Variants in EED observed in about 807,000 individuals in gnomAD.
EED encodes polycomb protein EED.
A neutral mutation model predicts 61.0 loss-of-function variants in EED; 9 were observed. The observed-to-expected ratio is 0.15, with a 90% confidence interval of 0.09 to 0.26. The LOEUF is 0.26. Among genes scored for constraint, EED ranks in the 10% least tolerant of loss-of-function variants. EED has a pLI of 1.00. For missense variants in EED, 315 were observed against 542.3 expected (o/e 0.58, Z 4.16); for synonymous variants, 187 against 174.4 (o/e 1.07, Z -0.57).
At chr11:86,246,263 G>A (rs969748458) in intron 1 of EED, among the ~76,000 whole-genome samples, 4 of 152,230 alleles carry the variant, frequency 2.6e-5, no homozygotes, top group Non-Finnish European at 4.4e-5. Context: ...GGTCAACGAA[G>A]TATCTTGACA....
Position 86,264,231 on chromosome 11 carries a change from G to A in EED, c.694G>A (p.Val232Ile), listed in dbSNP as rs759722952. 3.1e-6 allele frequency: 5 copies of A among 1,613,974 alleles called. No homozygotes were observed. The highest frequency in any genetic ancestry group is 1.3e-5 in the African/African-American group (1 of 75,012). Residue 232 changes from valine (V) to isoleucine (I), a missense_variant, in exon 7 of 12, where the codon GTA (valine) becomes ATA (isoleucine). Val to Ile is a conservative substitution (Grantham distance 29). Transcript: ENST00000263360. ...TDTLVAIFGG[V>I]EGHRDEVLSA... ...CACTCTGGTGGCAATATTTGGAGGC[G>A]TAGAAGGGCACAGAGATGAAGTTCT...
Position 86,245,078 on chromosome 11 carries a change from G to A in EED, c.-152G>A, listed in dbSNP as rs1402670100. 1 of 580,686 alleles carries A rather than the reference G, an allele frequency of 1.7e-6. No individual in the cohort carries two copies. The highest frequency in any genetic ancestry group is 4.0e-5 in the Admixed American group (1 of 24,694). 36.0% of individuals were successfully genotyped at this position (580,686 alleles called of 1,614,324 possible). On this transcript the variant is annotated 5_prime_UTR_variant, in exon 1 of 12. Coordinates refer to ENST00000263360, the MANE Select transcript of EED (RefSeq NM_003797.5). ...GCGGGGTCGCACGCACGCCCGCCTCGGCGGCTGGGCGCGATTTGCGACAGT... is the reference window on the plus strand; with the variant it reads ...GCGGGGTCGCACGCACGCCCGCCTCAGCGGCTGGGCGCGATTTGCGACAGT...
At chr11:86,254,911 G>A (rs528548858) in intron 3 of EED, among the ~76,000 whole-genome samples, 5 of 152,332 alleles carry the variant, frequency 3.3e-5, no homozygotes, top group East Asian at 3.9e-4. Context: ...GTGAGCCACC[G>A]TGCCCGGCCT....
At chr11:86,285,673 C>T in the EED span, among the ~76,000 whole-genome samples, 1 of 152,120 alleles carries the variant, frequency 6.6e-6, no homozygotes, top group Non-Finnish European at 1.5e-5. Flanking sequence ...TTTCAGCTCA[C>T]TGCAACTTCC....
chr11:86,264,547 T>G (rs972246822), intron 7 of EED: 2 of 267,784 alleles, frequency 7.5e-6, no homozygotes, highest in Admixed American at 5.2e-5. Flanking sequence ...ATCACTAAGT[T>G]AATGTTTGTT....
chr11:86,256,540 C>G, intron 5 of EED, 28 bp downstream of exon 5: 2 of 1,532,362 alleles, frequency 1.3e-6, no homozygotes, highest in Non-Finnish European at 1.8e-6. Context: ...AATTGTAGAT[C>G]TGCTTCTTTT....
intron 8 of EED, among the ~76,000 whole-genome samples, chr11:86,267,651 A>C (rs888223276): frequency 6.6e-6 from 1 of 151,792 alleles, no homozygotes; most frequent in African/African-American, 2.4e-5. Context: ...CCCAGGCTGG[A>C]GTGCAGTGGT....
chr11:86,252,714 T>C (rs1398247490), intron 3 of EED, among the ~76,000 whole-genome samples: 1 of 152,146 alleles, frequency 6.6e-6, no homozygotes, highest in Non-Finnish European at 1.5e-5. Context: ...CTGGGTTTTT[T>C]TGTTTTGAGA....
intron 9 of EED, among the ~76,000 whole-genome samples, chr11:86,269,073 T>C (rs1946051149): frequency 6.6e-6 from 1 of 152,192 alleles, no homozygotes. Flanking sequence ...TTAATACACA[T>C]AACCTACTGA....
intron 6 of EED, among the ~76,000 whole-genome samples, chr11:86,258,857 CTATT>C (rs571173237): frequency 6.0e-5 from 9 of 149,226 alleles, no homozygotes; most frequent in South Asian, 2.2e-4. Flanking sequence ...CGTCCTGCCT[CTATT>C]TATTTATTTA....
At position 86,259,862 on chromosome 11, in the gene EED, G is replaced by A. The variant is rs537303746; in HGVS notation, c.634+2266G>A. ...CGTTAGATACTAACAAGTATTGACTGGCACAAGAAGAAATCAGAGCCCTCT... is the reference window on the plus strand; with the variant it reads ...CGTTAGATACTAACAAGTATTGACTAGCACAAGAAGAAATCAGAGCCCTCT... On this transcript the variant is annotated intron_variant, in intron 6 of 11. Coordinates refer to ENST00000263360, the MANE Select transcript of EED (RefSeq NM_003797.5). Among the ~76,000 whole-genome samples, 48 of 152,344 alleles carry A rather than the reference G, an allele frequency of 3.2e-4. No homozygotes were observed. In the South Asian group the frequency reaches 8.7e-3, roughly 28 times the overall value.
chr11:86,287,250 A>G, the EED span, among the ~76,000 whole-genome samples: 1 of 152,180 alleles, frequency 6.6e-6, no homozygotes, highest in African/African-American at 2.4e-5. Flanking sequence ...CCACATTGTG[A>G]GAAATACAAC....
chr11:86,245,626 G>C (rs1233101236), intron 1 of EED, among the ~76,000 whole-genome samples: 5 of 151,908 alleles, frequency 3.3e-5, no homozygotes, highest in Non-Finnish European at 7.4e-5. Flanking sequence ...TTGGCCTTTG[G>C]GGGGATTTAA....
intron 2 of EED, among the ~76,000 whole-genome samples, chr11:86,251,113 C>G (rs1593722495): frequency 6.6e-6 from 1 of 151,900 alleles, no homozygotes; most frequent in East Asian, 1.9e-4. Flanking sequence ...TGTGTATTAT[C>G]TCATACATAT....
chr11:86,246,457 A>G (rs1181402624), intron 1 of EED, among the ~76,000 whole-genome samples: 3 of 152,240 alleles, frequency 2.0e-5, no homozygotes, highest in South Asian at 2.1e-4. Flanking sequence ...AAATTCTGTC[A>G]TAATTCCTAG....
chr11:86,283,998 G>A, the EED span: 1 of 152,172 alleles, frequency 6.6e-6, no homozygotes, highest in Non-Finnish European at 1.5e-5. Flanking sequence ...CCTTACCATC[G>A]TGTCTCCCAC....
chr11:86,275,819 C>T (rs532226923), intron 9 of EED, among the ~76,000 whole-genome samples: 2 of 152,164 alleles, frequency 1.3e-5, no homozygotes, highest in African/African-American at 4.8e-5. Flanking sequence ...TTTCTAAGGT[C>T]CTTTACAGTT....
At chr11:86,250,181 T>C (rs1945494538) in intron 1 of EED, 115 bp from the exon 2 acceptor site, 2 of 974,400 alleles carry the variant, frequency 2.1e-6, no homozygotes, top group Non-Finnish European at 2.8e-6. Flanking sequence ...ATACATTTTT[T>C]TCTTCTTGTA....
At chr11:86,280,463 A>G (rs1368000000), downstream of EED, among the ~76,000 whole-genome samples, 2 of 152,202 alleles carry the variant, frequency 1.3e-5, no homozygotes, top group Non-Finnish European at 2.9e-5. Context: ...GATGTTATCC[A>G]GAGGCCCCAG....
Sources: allele counts gnomAD v4.1 joint callset (sites outside exome capture counted in the v4.1 genomes callset), GRCh38; gene constraint gnomAD v4.1.1; transcripts MANE v1.5; gene names NCBI Gene and HGNC (gene_info 2026-07-23, HGNC 2026-07-21).